HK1: variants seen among roughly 807,000 people sequenced by gnomAD.
The protein encoded by HK1 is hexokinase-1.
In HK1, 28 loss-of-function variants were observed where a neutral mutation model predicts 91.6. The observed-to-expected ratio is 0.31, with a 90% CI of 0.23 to 0.42. HK1 has a LOEUF of 0.42. Among genes scored for constraint, HK1 ranks in the 10% least tolerant of loss-of-function variants. The probability of loss-of-function intolerance (pLI) is 1.00; values close to 1 mark genes in which losing one functional copy is unlikely to be tolerated. For missense variants in HK1, 770 were observed against 1,219.8 expected (o/e 0.63, Z 5.49); for synonymous variants, 430 against 468.1 (o/e 0.92, Z 1.05).
At chr10:69,367,512 G>A (rs554510769) in intron 4 of HK1, among the ~76,000 whole-genome samples, 1 of 152,262 alleles carries the variant, frequency 6.6e-6, no homozygotes, top group East Asian at 1.9e-4. Context: ...GGAGGAAGAG[G>A]GCTGCTTGAG....
At chr10:69,306,332 C>CG (rs1342638682) in intron 5 of HK1, among the ~76,000 whole-genome samples, 3 of 148,628 alleles carry the variant, frequency 2.0e-5, no homozygotes, top group African/African-American at 7.5e-5. Flanking sequence ...CACTGCAGCC[C>CG]GGGCGACAGA....
chr10:69,293,559 A>G (rs1327979459), intron 3 of HK1, among the ~76,000 whole-genome samples: 11 of 152,186 alleles, frequency 7.2e-5, no homozygotes, highest in Admixed American at 7.2e-4. Context: ...TTAAAACAAT[A>G]ATCTCTTATT....
intron 12 of HK1, 114 bp from the exon 13 acceptor site, chr10:69,386,209 C>G: frequency 2.5e-6 from 2 of 785,532 alleles, no homozygotes; most frequent in Non-Finnish European, 4.5e-6. Context: ...TGAACTCCGT[C>G]TCCGATGTTG....
In HK1 at chr10:69,305,306, T is replaced by C. The variant is rs181139609; in HGVS notation, c.27+4445T>C. 1.1e-4 allele frequency among the ~76,000 whole-genome samples: 16 copies of C among 152,238 alleles called. 1 individual carries two copies. In the East Asian group the frequency reaches 2.3e-3, roughly 22 times the overall value. ...TTGGTCACATGCCTGCATCCGACTA[T>C]AGGGGAGGCTGGAAATGGAATCTTT... On this transcript the variant is annotated intron_variant, in intron 5 of 21. Coordinates refer to the HK1 transcript ENST00000360289.
At chr10:69,277,754 C>T (rs1844539856) in intron 1 of HK1, among the ~76,000 whole-genome samples, 2 of 152,082 alleles carry the variant, frequency 1.3e-5, no homozygotes, top group Admixed American at 6.6e-5. Flanking sequence ...TTGTTTTAGG[C>T]CAGGCACAGG....
chr10:69,276,090 CAAAAAA>C (rs60324656), intron 1 of HK1, among the ~76,000 whole-genome samples: 22 of 15,938 alleles, frequency 1.4e-3, no homozygotes, highest in South Asian at 0.01. Flanking sequence ...AACTCCTTTT[CAAAAAA>C]AAAAAAAAAA....
Position 69,384,386 on chromosome 10 carries a change from C to T in HK1, c.1624C>T (p.Leu542=). The T allele has an allele frequency of 6.2e-7, 1 of 1,614,204 alleles. No homozygotes were observed. ...DLGGTNFRVL[L]VKIRSGKKRT... is the part of the protein sequence containing the mutation. ...TGGAGGAACCAATTTCCGTGTGCTG[C>T]TGGTGAAAATCCGTAGTGGGAAAAA... Residue 542 remains leucine (L), a synonymous_variant, in exon 11 of 18, where the codon CTG becomes TTG. Transcript: ENST00000359426.
chr10:69,276,118 A>AATATAT (rs1554874322), intron 1 of HK1, among the ~76,000 whole-genome samples: 14 of 38,270 alleles, frequency 3.7e-4, no homozygotes, highest in African/African-American at 5.3e-4. Context: ...AAAAAAAAAA[A>AATATAT]ATACATATAT....
rs146123430 is a variant in HK1 at position 69,344,260 on chromosome 10, T to C, written c.226+271T>C. Among the ~76,000 whole-genome samples the C allele has an allele frequency of 7.1e-3, 1,081 of 152,332 alleles. 16 individuals are homozygous for C. Among genetic ancestry groups the C allele is most frequent in the African/African-American group, 0.025 (1,021 of 41,578 alleles). On this transcript the variant is annotated intron_variant, in intron 2 of 17. Coordinates refer to ENST00000359426, the MANE Select transcript of HK1 (RefSeq NM_000188.3). ...GTTGGGCAAGGCTGACCTGCTGTCA[T>C]TGACTTTACTGTCTAGTGGCTTGTG... is the stretch of plus-strand genomic sequence containing the variant.
intron 4 of HK1, among the ~76,000 whole-genome samples, chr10:69,365,329 T>C (rs1052410793): frequency 2.0e-5 from 3 of 152,126 alleles, no homozygotes; most frequent in African/African-American, 7.2e-5. Flanking sequence ...ATAGTGGAGC[T>C]GATCAGTGGC....
chr10:69,365,087 C>G (rs2305199), intron 4 of HK1, among the ~76,000 whole-genome samples, 185 bp downstream of exon 4: 2 of 151,978 alleles, frequency 1.3e-5, no homozygotes, highest in Admixed American at 1.3e-4. Context: ...ACTTAAACTT[C>G]AGTTATTTAT....
At position 69,369,360 on chromosome 10, in the gene HK1, C is replaced by G; in HGVS notation, c.691+24C>G. 6.2e-7 allele frequency: 1 copy of G among 1,613,042 alleles called. No individual in the cohort carries two copies. On this transcript the variant is annotated intron_variant, in intron 6 of 17. Coordinates refer to ENST00000359426, the MANE Select transcript of HK1 (RefSeq NM_000188.3). The surrounding 1 kb of genome is among the most constrained non-coding windows in gnomAD (Gnocchi z 4.4). ...CGGTAATGCATTCCCCTTTGCCCAT[C>G]CATTTGTTCGGCCCATCTTTCCAGG... is the stretch of plus-strand genomic sequence containing the variant.
At chr10:69,317,951 A>G (rs1481764323), upstream of HK1, 2 of 718,862 alleles carry the variant, frequency 2.8e-6, no homozygotes, top group Non-Finnish European at 3.4e-6. Flanking sequence ...TTCCTCTGGG[A>G]AAGTAGAAAA....
chr10:69,374,553 G>A (rs187755577), intron 7 of HK1, among the ~76,000 whole-genome samples: 31 of 152,382 alleles, frequency 2.0e-4, no homozygotes, highest in African/African-American at 7.5e-4. Flanking sequence ...CACTTGAGCA[G>A]ATGGGAAGCA....
chr10:69,290,945 T>C (rs1357263723), intron 3 of HK1, among the ~76,000 whole-genome samples: 1 of 152,186 alleles, frequency 6.6e-6, no homozygotes, highest in Non-Finnish European at 1.5e-5. Flanking sequence ...AAAATCAAAA[T>C]TCCTCTTAGC....
rs1351261560 is a variant in HK1, at chr10:69,369,232, C to G, written c.592-5C>G. On this transcript the variant is annotated splice_polypyrimidine_tract_variant and splice_region_variant and intron_variant, in intron 5 of 17. Coordinates refer to ENST00000359426, the MANE Select transcript of HK1 (RefSeq NM_000188.3). This position sits in a 1 kb window ranked among gnomAD's most constrained non-coding sequence, Gnocchi z 4.4. ...GGACAATGACACCCCGTTATCTGTC[C>G]CCAGGACTATGATGCCAACATCGTA... is the stretch of plus-strand genomic sequence containing the variant. 25 of 1,610,304 alleles carry G rather than the reference C, an allele frequency of 1.6e-5. No individual in the cohort carries two copies. The highest frequency in any genetic ancestry group is 1.7e-5 in the Non-Finnish European group (20 of 1,176,650).
At position 69,387,819 on chromosome 10, in the gene HK1, C is replaced by T. The variant is rs75275407; in HGVS notation, c.1936-1378C>T. ...GAAAAAATATAAAATGAAAAATTCCCAAGATTTAATTTAACTCATTAATTA... is the reference window on the plus strand; with the variant it reads ...GAAAAAATATAAAATGAAAAATTCCTAAGATTTAATTTAACTCATTAATTA... On this transcript the variant is annotated intron_variant, in intron 13 of 17. Coordinates refer to ENST00000359426, the MANE Select transcript of HK1 (RefSeq NM_000188.3). Among the ~76,000 whole-genome samples the T allele has an allele frequency of 4.1e-3, 625 of 152,010 alleles. 8 individuals are homozygous for T. The highest frequency in any genetic ancestry group is 0.014 in the African/African-American group (590 of 41,450).
chr10:69,317,263 A>G (rs1846695479), upstream of HK1, among the ~76,000 whole-genome samples: 1 of 152,214 alleles, frequency 6.6e-6, no homozygotes, highest in East Asian at 1.9e-4. Context: ...TTACACAACA[A>G]TCAAGGGGAG....
intron 2 of HK1, among the ~76,000 whole-genome samples, chr10:69,350,920 C>T (rs1848823187): frequency 6.6e-6 from 1 of 151,006 alleles, no homozygotes; most frequent in African/African-American, 2.4e-5. Context: ...CCTGTAATCC[C>T]AGCACTTTGG....
Sources: gnomAD v4.1 joint callset for allele counts (sites outside exome capture counted in the v4.1 genomes callset) on GRCh38, gnomAD v4.1.1 for gene constraint, Gnocchi (gnomAD v3.1) non-coding constraint, MANE v1.5 for transcripts, NCBI Gene and HGNC (gene_info 2026-07-23, HGNC 2026-07-21) for gene names.